VPS13B: variants seen among roughly 807,000 people sequenced by gnomAD.
VPS13B encodes the protein intermembrane lipid transfer protein VPS13B.
Under a neutral mutation model 426.4 loss-of-function variants are expected in VPS13B, and 285 were observed. The observed-to-expected ratio is 0.67, with a 90% CI of 0.61 to 0.74. VPS13B has a LOEUF of 0.74. Ranked by LOEUF, VPS13B falls within the 30% of genes least tolerant of loss-of-function variation. VPS13B has a pLI of 0.00. For missense variants in VPS13B, 4,537 were observed against 4,782.6 expected (o/e 0.95, Z 1.51); for synonymous variants, 1,676 against 1,676.4 (o/e 1.00, Z 0.01).
intron 25 of VPS13B, among the ~76,000 whole-genome samples, chr8:99,500,018 T>C (rs565698275): frequency 6.6e-6 from 1 of 152,274 alleles, no homozygotes; most frequent in African/African-American, 2.4e-5. Flanking sequence ...TATACCTGTG[T>C]TTAGATGGCA....
chr8:99,457,570 CT>C (rs553489983), intron 23 of VPS13B, among the ~76,000 whole-genome samples: 37 of 150,996 alleles, frequency 2.5e-4, no homozygotes, highest in African/African-American at 4.1e-4. Context: ...TTTTTTCTAT[CT>C]TTTTTTTCAT....
At chr8:99,474,654 A>G (rs1273191087) in intron 24 of VPS13B, among the ~76,000 whole-genome samples, 2 of 152,210 alleles carry the variant, frequency 1.3e-5, no homozygotes, top group Non-Finnish European at 2.9e-5. Flanking sequence ...AACGTCATGA[A>G]GAAATAGAAA....
intron 21 of VPS13B, among the ~76,000 whole-genome samples, chr8:99,415,557 C>T (rs368996139): frequency 6.6e-6 from 1 of 152,196 alleles, no homozygotes; most frequent in East Asian, 1.9e-4. Context: ...ATTTATCTAC[C>T]TTTGGTCTTT....
Position 99,143,154 on chromosome 8 carries a change from G to A in VPS13B, c.1832G>A (p.Arg611Lys), listed in dbSNP as rs61754109. Residue 611 changes from arginine to lysine, a missense_variant, in exon 13 of 62, where the codon AGG (arginine) becomes AAG (lysine). Physicochemically the swap from Arg to Lys is conservative, Grantham distance 26 (BLOSUM62 2). Transcript: ENST00000357162. The part of the protein sequence containing the change: ...ALEHEYEPYS[R>K]LKSDIKDENE... ...GAACATGAATATGAACCATATAGCA[G>A]GCTAAAATCAGGTTTGTTTCTGGAT... 3,121 of 1,613,910 alleles carry A rather than the reference G, an allele frequency of 1.9e-3. 7 individuals are homozygous for A. Among genetic ancestry groups the A allele is most frequent in the South Asian group, 3.3e-3 (304 of 91,068 alleles).
At chr8:99,841,576 A>T (rs1349250380) in intron 54 of VPS13B, among the ~76,000 whole-genome samples, 1 of 152,224 alleles carries the variant, frequency 6.6e-6, no homozygotes, top group South Asian at 2.1e-4. Context: ...AGTAGATGCT[A>T]CCCAAAGCTC....
chr8:99,657,262 T>C (rs1026427740), intron 34 of VPS13B, among the ~76,000 whole-genome samples: 14 of 152,194 alleles, frequency 9.2e-5, no homozygotes, highest in Non-Finnish European at 1.6e-4. Context: ...TTGAAAACTC[T>C]TATCTACATT....
Position 99,870,870 on chromosome 8 carries a change from C to T in VPS13B, c.11478C>T (p.Ser3826=), listed in dbSNP as rs1817369641. The T allele has an allele frequency of 1.2e-6, 2 of 1,614,010 alleles. No homozygotes were observed. The highest frequency in any genetic ancestry group is 3.3e-5 in the Admixed American group (2 of 60,006). The part of the protein sequence containing the change: ...SDLHADQAPN[S]HVKYVWKMLQ... ...TACATGCTGACCAGGCTCCAAACAGCCATGTCAAATATGTCTGGTAAAATT... is the reference window on the plus strand; with the variant it reads ...TACATGCTGACCAGGCTCCAAACAGTCATGTCAAATATGTCTGGTAAAATT... The change falls in exon 60 of 62, where the codon AGC becomes AGT. Residue 3826 remains serine, a synonymous_variant. Transcript: ENST00000357162.
Position 99,143,103 on chromosome 8 carries a change from T to G in VPS13B, c.1781T>G (p.Ile594Ser). The G allele has an allele frequency of 6.2e-7, 1 of 1,614,036 alleles. No homozygotes were observed. The highest frequency in any genetic ancestry group is 8.5e-7 in the Non-Finnish European group (1 of 1,179,952). ...FRLDSSAVHR[I>S]LKMIVCALEH... ...TTGGATAGCAGTGCGGTGCATAGGA[T>G]TTTGAAAATGATTGTGTGTGCCTTG... Residue 594 changes from isoleucine to serine, a missense_variant, in exon 13 of 62, where the codon ATT becomes AGT. Around this residue, in one of 2 missense-constraint regions of VPS13B, gnomAD observed 4,311 missense variants for 4,474.3 expected, o/e 0.96. Transcript: ENST00000357162.
intron 19 of VPS13B, among the ~76,000 whole-genome samples, chr8:99,339,338 G>T (rs1563676332): frequency 6.6e-6 from 1 of 152,014 alleles, no homozygotes; most frequent in Admixed American, 6.6e-5. Flanking sequence ...TGACTTCTAG[G>T]GAGGCCTCAG....
chr8:99,132,632 T>C (rs1164292813), intron 8 of VPS13B, among the ~76,000 whole-genome samples: 1 of 152,190 alleles, frequency 6.6e-6, no homozygotes, highest in Non-Finnish European at 1.5e-5. Flanking sequence ...GGCTATAGCC[T>C]TACGAAATGT....
At chr8:99,727,654 C>T (rs1048567816) in intron 39 of VPS13B, among the ~76,000 whole-genome samples, 73 of 152,294 alleles carry the variant, frequency 4.8e-4, no homozygotes, top group African/African-American at 1.7e-3. Flanking sequence ...AGACCTGCCC[C>T]CTGATTCATT....
At chr8:99,654,300 G>A (rs551183656) in intron 34 of VPS13B, among the ~76,000 whole-genome samples, 78 of 150,946 alleles carry the variant, frequency 5.2e-4, no homozygotes, top group African/African-American at 1.4e-3. Flanking sequence ...CGCCCGCCTC[G>A]GCCTTCCAAA....
intron 19 of VPS13B, among the ~76,000 whole-genome samples, chr8:99,331,163 T>C (rs1588258720): frequency 6.6e-6 from 1 of 151,878 alleles, no homozygotes; most frequent in East Asian, 1.9e-4. Flanking sequence ...ATGAGACCTA[T>C]AGAAGAAAAT....
At chr8:99,126,826 G>A (rs1388072553) in intron 8 of VPS13B, among the ~76,000 whole-genome samples, 1 of 152,144 alleles carries the variant, frequency 6.6e-6, no homozygotes, top group East Asian at 1.9e-4. Context: ...GGGCACAGTG[G>A]CTCATGCCTA....
rs139109509 is a variant in VPS13B at position 99,563,668 on chromosome 8, A to G, written c.4949+7015A>G. ...GGAGCATTCCGAAGAAGGAAGCAGT[A>G]GATCCAGAGGCTAGAAGTATGAAAG... On this transcript the variant is annotated intron_variant, in intron 31 of 61. Coordinates refer to ENST00000357162, the MANE Select transcript of VPS13B (RefSeq NM_152564.5). Among the ~76,000 whole-genome samples, 673 of 152,332 alleles carry G rather than the reference A, an allele frequency of 4.4e-3. 2 individuals are homozygous for G. The highest frequency in any genetic ancestry group is 6.3e-3 in the Non-Finnish European group (431 of 68,020).
intron 60 of VPS13B, 170 bp downstream of exon 60, chr8:99,871,057 C>G: frequency 1.4e-6 from 1 of 720,552 alleles, no homozygotes; most frequent in Non-Finnish European, 2.4e-6. Context: ...GAAGAGGCTG[C>G]TGTTGCCAGG....
chr8:99,023,948 G>T (rs1327875797), intron 2 of VPS13B, among the ~76,000 whole-genome samples: 1 of 152,118 alleles, frequency 6.6e-6, no homozygotes, highest in African/African-American at 2.4e-5. Flanking sequence ...ATTATATCTA[G>T]TTCTATTTTC....
chr8:99,569,457 A>G (rs1290413565), intron 31 of VPS13B, among the ~76,000 whole-genome samples: 1 of 152,064 alleles, frequency 6.6e-6, no homozygotes, highest in Non-Finnish European at 1.5e-5. Flanking sequence ...GAAAAAAAAA[A>G]AAAGAAAAAA....
At chr8:99,624,747 A>T (rs1828530506) in intron 33 of VPS13B, among the ~76,000 whole-genome samples, 1 of 149,274 alleles carries the variant, frequency 6.7e-6, no homozygotes, top group African/African-American at 2.5e-5. Flanking sequence ...TTTCTTTTCT[A>T]CCATTCTGAC....
Sources: gnomAD v4.1 joint callset for allele counts (sites outside exome capture counted in the v4.1 genomes callset) on GRCh38, gnomAD v4.1.1 for gene constraint, gnomAD v4.1.1 regional missense constraint, MANE v1.5 for transcripts, NCBI Gene and HGNC (gene_info 2026-07-23, HGNC 2026-07-21) for gene names.